TGM1: variants seen among roughly 807,000 people sequenced by gnomAD.
The protein encoded by TGM1 is transglutaminase 1.
A neutral mutation model predicts 88.7 loss-of-function variants in TGM1; 63 were observed. The observed-to-expected ratio is 0.71, with a 90% CI of 0.58 to 0.88. The LOEUF (loss-of-function observed/expected upper bound fraction) is 0.88, where lower values mean the gene tolerates loss of function less well. Ranked by LOEUF, TGM1 falls within the 40% of genes least tolerant of loss-of-function variation. The pLI is 0.00. For missense variants in TGM1, 996 were observed against 1,118.0 expected, an observed-to-expected ratio of 0.89 and a Z score of 1.56; for synonymous variants, 415 against 431.1, an observed-to-expected ratio of 0.96 and a Z score of 0.46.
At position 24,259,308 on chromosome 14, in the gene TGM1, T is replaced by TCCTGG. The variant is rs2040784913; in HGVS notation, c.985-60_985-59insCCAGG. On this transcript the variant is annotated intron_variant, in intron 6 of 14. Transcript: ENST00000206765. This position sits in a 1 kb window ranked among gnomAD's most constrained non-coding sequence, Gnocchi z 5.7. ...GAGGAGGGGCTCAGGACCTGCCATG[T>TCCTGG]GGTCCATGGGGACCAGCCGGGCCCC... The TCCTGG allele has an allele frequency of 8.5e-6, 13 of 1,531,252 alleles. No homozygotes were observed. The South Asian group carries it at 1.2e-4, about 14-fold the overall frequency. The allele number at this position is 1,531,252 out of a possible 1,614,324, so 94.9% of individuals were successfully genotyped here. A position where few individuals can be genotyped will look rare whatever the true frequency, so the allele number is the denominator to read the frequency against.
intron 14 of TGM1, among the ~76,000 whole-genome samples, 190 bp from the exon 15 acceptor site, chr14:24,249,731 C>A (rs575591273): frequency 9.3e-4 from 142 of 152,200 alleles, no homozygotes; most frequent in Middle Eastern, 6.8e-3. Flanking sequence ...CAGCAGCCAC[C>A]CACCAGCTGC....
At chr14:24,257,993 C>A (rs2040770059) in intron 9 of TGM1, among the ~76,000 whole-genome samples, 2 of 152,112 alleles carry the variant, frequency 1.3e-5, no homozygotes, top group East Asian at 1.9e-4. Flanking sequence ...AATATGAATT[C>A]TTTCTCTGAA....
intron 4 of TGM1, 128 bp from the exon 5 acceptor site, chr14:24,260,186 C>T: frequency 1.0e-6 from 1 of 1,003,000 alleles, no homozygotes; most frequent in Non-Finnish European, 1.6e-6. Context: ...CCTGACAGGA[C>T]TGCTGTGGGA....
chr14:24,250,305 A>C (rs1416988863), intron 14 of TGM1, among the ~76,000 whole-genome samples: 1 of 152,036 alleles, frequency 6.6e-6, no homozygotes, highest in Non-Finnish European at 1.5e-5. Flanking sequence ...TCATGATTTC[A>C]CTAGTCCTCT....
In TGM1 at chr14:24,259,988, G is replaced by T; in HGVS notation, c.828C>A (p.Tyr276Ter). Reference protein sequence around the residue: ...EYVLNESGRIYYGTEAQIGER... With the variant: ...EYVLNESGRI ...CACCAATCTGTGCTTCGGTCCCGTA[G>T]TAAATTCTCCCAGACTCATTAAGAA... The change falls in exon 5 of 15, where the codon TAC (tyrosine) becomes TAA (stop). Residue 276 changes from tyrosine to a stop codon, truncating the protein, a stop_gained. Coordinates refer to ENST00000206765, the MANE Select transcript of TGM1 (RefSeq NM_000359.3). LOFTEE classifies it high-confidence loss of function. This position sits in a 1 kb window ranked among gnomAD's most constrained non-coding sequence, Gnocchi z 5.7. The T allele has an allele frequency of 3.7e-6, 6 of 1,614,200 alleles. No individual in the cohort carries two copies. The highest frequency in any genetic ancestry group is 5.1e-6 in the Non-Finnish European group (6 of 1,180,026).
chr14:24,255,640 T>C lies in TGM1; in HGVS notation c.1492-123A>G, dbSNP rs2040744619. ...AGGGCTTGGTCCCAAGGGTGGGAGC[T>C]TCCTGGCAGAGCCCAAGGGGAGACT... On this transcript the variant is annotated intron_variant, in intron 10 of 14. Transcript: ENST00000206765. The surrounding 1 kb of genome is among the most constrained non-coding windows in gnomAD (Gnocchi z 4.0). The C allele has an allele frequency of 7.5e-7, 1 of 1,336,832 alleles. No individual in the cohort carries two copies. Among genetic ancestry groups the C allele is most frequent in the South Asian group, 1.2e-5 (1 of 80,876 alleles). 82.8% of individuals were successfully genotyped at this position (1,336,832 alleles called of 1,614,324 possible).
At chr14:24,254,947 G>A (rs1161045486) in intron 12 of TGM1, 25 bp downstream of exon 12, 4 of 1,613,286 alleles carry the variant, frequency 2.5e-6, no homozygotes, top group Non-Finnish European at 3.4e-6. Context: ...CATCCAGGGG[G>A]CAGGGCTGGG....
intron 3 of TGM1, 55 bp from the exon 4 acceptor site, chr14:24,260,753 G>A: frequency 1.2e-6 from 2 of 1,612,744 alleles, no homozygotes; most frequent in Middle Eastern, 1.6e-4. Flanking sequence ...AGAGGGGATG[G>A]AGCCTGGGAC....
chr14:24,258,196 G>A (rs560121710), intron 9 of TGM1, 89 bp downstream of exon 9: 5 of 1,154,770 alleles, frequency 4.3e-6, no homozygotes, highest in African/African-American at 1.5e-5. Flanking sequence ...TTGGCTCTCC[G>A]GCCCGGCCCA....
In TGM1 at chr14:24,261,891, GAC is replaced by G. The variant is rs776358019; in HGVS notation, c.320-10_320-9del. On this transcript the variant is annotated splice_polypyrimidine_tract_variant and intron_variant, in intron 2 of 14. Transcript: ENST00000206765. ...TCACTACTAGCATGCCCTCTGCAAG[GAC>G]ACAGCTCCGTGTCAGTGAAGCCCCA... 2 of 1,612,872 alleles carry G rather than the reference GAC, an allele frequency of 1.2e-6. No homozygotes were observed. The highest frequency in any genetic ancestry group is 1.7e-6 in the Non-Finnish European group (2 of 1,180,030).
At position 24,249,370 on chromosome 14, in the gene TGM1, A is replaced by G; in HGVS notation, c.2397T>C (p.Ala799=). ...APGDGGFFSD[A]GGDSHLGETI... ...TCTCTCCTAAGTGACTGTCACCTCC[A>G]GCGTCTGAGAAGAAGCCCCCATCCC... is the stretch of plus-strand genomic sequence containing the variant. Residue 799 remains alanine (A), a synonymous_variant, in exon 15 of 15, where the codon GCT becomes GCC. Coordinates refer to ENST00000206765, the MANE Select transcript of TGM1 (RefSeq NM_000359.3). 1 of 1,614,062 alleles carries G rather than the reference A, an allele frequency of 6.2e-7. No homozygotes were observed. Among genetic ancestry groups the G allele is most frequent in the South Asian group, 1.1e-5 (1 of 91,076 alleles).
chr14:24,261,366 A>T (rs1289926896), intron 3 of TGM1, among the ~76,000 whole-genome samples: 3 of 152,148 alleles, frequency 2.0e-5, no homozygotes, highest in Non-Finnish European at 4.4e-5. Flanking sequence ...GAGATAGAAG[A>T]GAGAACCAGC....
chr14:24,255,879 G>A lies in TGM1; in HGVS notation c.1491+110C>T, dbSNP rs2040746342. On this transcript the variant is annotated intron_variant, in intron 10 of 14. Transcript: ENST00000206765. This position sits in a 1 kb window ranked among gnomAD's most constrained non-coding sequence, Gnocchi z 4.0. ...CTTTTACAGGTGAGGAAACTGACTT[G>A]TATAATGAGTGACTTGCCCCGGGTC... 4.7e-6 allele frequency: 4 copies of A among 845,936 alleles called. 1 individual carries two copies. Among genetic ancestry groups the A allele is most frequent in the South Asian group, 4.7e-5 (3 of 63,500 alleles). 52.4% of individuals were successfully genotyped at this position (845,936 alleles called of 1,614,324 possible).
chr14:24,257,834 G>C (rs1467051019), intron 9 of TGM1, among the ~76,000 whole-genome samples: 1 of 152,184 alleles, frequency 6.6e-6, no homozygotes, highest in East Asian at 1.9e-4. Context: ...CCTCCTGAGA[G>C]AGAATAGGGA....
At chr14:24,254,898 T>C in intron 12 of TGM1, 74 bp from the exon 13 acceptor site, 1 of 1,612,472 alleles carries the variant, frequency 6.2e-7, no homozygotes, top group Admixed American at 1.7e-5. Flanking sequence ...TCCCCACTGC[T>C]CCTGGGGTCT....
chr14:24,256,154 A>G (rs2040749738), intron 9 of TGM1, 77 bp from the exon 10 acceptor site: 1 of 1,256,132 alleles, frequency 8.0e-7, no homozygotes, highest in African/African-American at 1.5e-5. Flanking sequence ...TAAGGTCCAC[A>G]CAGGGCCCCA....
chr14:24,251,256 C>G lies in TGM1; in HGVS notation c.2226-1715G>C, dbSNP rs1212632658. On this transcript the variant is annotated intron_variant, in intron 14 of 14. Transcript: ENST00000206765. ...CTATAACTTAATGGCTAGGCTATGTCCTGACTGCTTACAAATTTGCACTCT... is the reference window on the plus strand; with the variant it reads ...CTATAACTTAATGGCTAGGCTATGTGCTGACTGCTTACAAATTTGCACTCT... Among the ~76,000 whole-genome samples, 3 of 152,124 alleles carry G rather than the reference C, an allele frequency of 2.0e-5. No individual in the cohort carries two copies. The East Asian group carries it at 5.8e-4, about 29-fold the overall frequency.
chr14:24,252,600 T>C (rs1337962691), intron 14 of TGM1, among the ~76,000 whole-genome samples: 1 of 152,224 alleles, frequency 6.6e-6, no homozygotes, highest in Non-Finnish European at 1.5e-5. Flanking sequence ...AGGAAAGCCC[T>C]ACTTTGTGAC....
chr14:24,255,522 G>C lies in TGM1; in HGVS notation c.1492-5C>G, dbSNP rs201484627. On this transcript the variant is annotated splice_polypyrimidine_tract_variant and splice_region_variant and intron_variant, in intron 10 of 14. Coordinates refer to ENST00000206765, the MANE Select transcript of TGM1 (RefSeq NM_000359.3). This position sits in a 1 kb window ranked among gnomAD's most constrained non-coding sequence, Gnocchi z 4.0. ...GTACACCTTGTCACTATTCACCTGT[G>C]GGGGGTGGGGGTGAGCAGGAATGAG... The C allele has an allele frequency of 3.2e-5, 51 of 1,612,668 alleles. No individual in the cohort carries two copies. In the African/African-American group the frequency reaches 3.3e-4, roughly 11 times the overall value.
Sources: allele counts gnomAD v4.1 joint callset (sites outside exome capture counted in the v4.1 genomes callset), GRCh38; gene constraint gnomAD v4.1.1; non-coding constraint Gnocchi (gnomAD v3.1); transcripts MANE v1.5; gene names NCBI Gene and HGNC (gene_info 2026-07-23, HGNC 2026-07-21).